Variants in ZNF608 observed in about 807,000 individuals in gnomAD.
ZNF608 encodes zinc finger protein 608, also known as renal carcinoma antigen NY-REN-36.
ZNF608 carries 12 observed loss-of-function variants against 109.0 expected under a neutral mutation model. That is an observed-to-expected ratio of 0.11 (90% confidence interval 0.07 to 0.18). The LOEUF is 0.18. Among genes scored for constraint, ZNF608 ranks in the 10% least tolerant of loss-of-function variants. The pLI, the probability that ZNF608 is intolerant of heterozygous loss-of-function variation, is 1.00. For synonymous variants in ZNF608, 732 were observed against 717.4 expected (o/e 1.02, Z -0.33); for missense variants, 1,707 against 1,879.3 (o/e 0.91, Z 1.70).
chr5:124,721,315 C>T (rs939031680), intron 2 of ZNF608, among the ~76,000 whole-genome samples: 6 of 152,070 alleles, frequency 3.9e-5, no homozygotes, highest in Non-Finnish European at 8.8e-5. Flanking sequence ...CTCTTTTTTC[C>T]TCTGTAACCC....
intron 2 of ZNF608, among the ~76,000 whole-genome samples, chr5:124,743,374 C>T (rs773875162): frequency 5.3e-5 from 8 of 152,196 alleles, no homozygotes; most frequent in Non-Finnish European, 7.3e-5. Flanking sequence ...TCTTAAATCT[C>T]TAGCTAAGAA....
chr5:124,729,199 C>A (rs1026372135), intron 2 of ZNF608, among the ~76,000 whole-genome samples: 1 of 152,218 alleles, frequency 6.6e-6, no homozygotes, highest in Non-Finnish European at 1.5e-5. Context: ...TAAAAGAAGG[C>A]TCGTCCTGAC....
In ZNF608 at chr5:124,693,978, T is replaced by TTTTTTTTTTTTTTG. The variant is rs1291727967; in HGVS notation, c.1162+7035_1162+7036insCAAAAAAAAAAAAA. On this transcript the variant is annotated intron_variant, in intron 3 of 9. Coordinates refer to ENST00000513986, the MANE Select transcript of ZNF608 (RefSeq NM_020747.3). ...AGCTGGTAACATTTCATTAATCTTT[T>TTTTTTTTTTTTTTG]TTTTTTTTTTTTTTTGAGAGAGAGT... 3.2e-4 allele frequency among the ~76,000 whole-genome samples: 27 copies of TTTTTTTTTTTTTTG among 84,746 alleles called. 3 individuals carry two copies. Among genetic ancestry groups the TTTTTTTTTTTTTTG allele is most frequent in the African/African-American group, 1.3e-3 (26 of 20,290 alleles). 55.6% of individuals were successfully genotyped at this position (84,746 alleles called of 152,430 possible). A position where few individuals can be genotyped will look rare whatever the true frequency, so the allele number is the denominator to read the frequency against.
chr5:124,700,530 A>G (rs1753009854), intron 3 of ZNF608, among the ~76,000 whole-genome samples: 1 of 152,220 alleles, frequency 6.6e-6, no homozygotes, highest in Non-Finnish European at 1.5e-5. Flanking sequence ...CCCTGGCCTC[A>G]TTACTTCTGA....
Position 124,646,903 on chromosome 5 carries a change from C to T in ZNF608, c.3481G>A (p.Glu1161Lys), listed in dbSNP as rs768382569. ...AGTTTAGAATGGTTTTTGTTAGGCT[C>T]CGGAGTAGAGGGAGCTTTTGAGATT... is the stretch of plus-strand genomic sequence containing the variant. Reference protein sequence around the residue: ...ATISKAPSTPEPNKNHSKLGP... With the variant: ...ATISKAPSTPKPNKNHSKLGP... The change falls in exon 5 of 10, where the codon GAG (glutamate) becomes AAG (lysine). Residue 1161 changes from glutamate to lysine, a missense_variant. Physicochemically the swap from Glu to Lys is moderately conservative, Grantham distance 56. Coordinates refer to ENST00000513986, the MANE Select transcript of ZNF608 (RefSeq NM_020747.3). 2 of 1,614,096 alleles carry T rather than the reference C, an allele frequency of 1.2e-6. No individual in the cohort carries two copies. The highest frequency in any genetic ancestry group is 1.7e-6 in the Non-Finnish European group (2 of 1,180,000).
At chr5:124,651,826 G>T (rs1466051895) in intron 3 of ZNF608, among the ~76,000 whole-genome samples, 1 of 152,258 alleles carries the variant, frequency 6.6e-6, no homozygotes, top group Non-Finnish European at 1.5e-5. Flanking sequence ...AGAGGTGAGC[G>T]TGGCGGAGGC....
intron 3 of ZNF608, among the ~76,000 whole-genome samples, chr5:124,674,169 G>T (rs923503435): frequency 6.6e-6 from 1 of 152,262 alleles, no homozygotes; most frequent in South Asian, 2.1e-4. Context: ...CTGCATTTTA[G>T]CAAGCACTAC....
At chr5:124,740,998 T>G (rs1749371252) in intron 2 of ZNF608, among the ~76,000 whole-genome samples, 1 of 152,218 alleles carries the variant, frequency 6.6e-6, no homozygotes, top group South Asian at 2.1e-4. Context: ...AAGGCTATTA[T>G]GCTTCACAAG....
intron 2 of ZNF608, among the ~76,000 whole-genome samples, chr5:124,743,233 T>C (rs192934868): frequency 6.6e-6 from 1 of 152,356 alleles, no homozygotes; most frequent in African/African-American, 2.4e-5. Flanking sequence ...TAATTCTATA[T>C]TCCAATTCAC....
chr5:124,643,537 T>G lies in ZNF608; in HGVS notation c.4270A>C (p.Asn1424His). The G allele has an allele frequency of 1.9e-6, 3 of 1,614,220 alleles. No individual in the cohort carries two copies. The highest frequency in any genetic ancestry group is 2.5e-6 in the Non-Finnish European group (3 of 1,180,030). Residue 1424 changes from asparagine (N) to histidine (H), a missense_variant, in exon 7 of 10, where the codon AAC (asparagine) becomes CAC (histidine). Asn to His is a moderately conservative substitution (Grantham distance 68). This residue lies in a region of ZNF608 where 1,073 missense variants were observed against 1,133.5 expected (regional missense o/e 0.95). Transcript: ENST00000513986. ...KALDLLQQHANQYRSKSPAPV... is the reference protein window; with the variant it reads ...KALDLLQQHAHQYRSKSPAPV... The stretch of plus-strand genomic sequence containing the variant: ...GCAGGAGACTTGCTGCGGTATTGGT[T>G]AGCATGCTGCTGGAGCAAATCCAGT...
chr5:124,638,957 G>T, intron 9 of ZNF608, 176 bp downstream of exon 9: 1 of 810,342 alleles, frequency 1.2e-6, no homozygotes, highest in Non-Finnish European at 1.9e-6. Flanking sequence ...ACAGAATGAG[G>T]TTCATGGAAT....
At chr5:124,724,712 C>CCAT (rs1754070944) in intron 2 of ZNF608, among the ~76,000 whole-genome samples, 1 of 151,936 alleles carries the variant, frequency 6.6e-6, no homozygotes, top group African/African-American at 2.4e-5. Flanking sequence ...GAGAAAGGTA[C>CCAT]CATTTTGTCC....
chr5:124,734,172 C>T (rs1003789432), intron 2 of ZNF608, among the ~76,000 whole-genome samples: 1 of 152,152 alleles, frequency 6.6e-6, no homozygotes, highest in Non-Finnish European at 1.5e-5. Flanking sequence ...TGCCAAGATG[C>T]TTGAGGACTA....
In ZNF608 at chr5:124,701,088, G is replaced by A; in HGVS notation, c.1088C>T (p.Pro363Leu). The change falls in exon 3 of 10, where the codon CCA (proline) becomes CTA (leucine). Residue 363 changes from proline (P) to leucine (L), a missense_variant. This residue lies in a region of ZNF608 where 16 missense variants were observed against 37.0 expected (regional missense o/e 0.43). Coordinates refer to ENST00000513986, the MANE Select transcript of ZNF608 (RefSeq NM_020747.3). ...NTCEVGVVTE[P>L]ECLGPCEPGT... ...AGGTTCACAGGGCCCAAGACACTCTGGCTCTGTCACTACTCCAACTTCACA... is the reference window on the plus strand; with the variant it reads ...AGGTTCACAGGGCCCAAGACACTCTAGCTCTGTCACTACTCCAACTTCACA... 6.2e-7 allele frequency: 1 copy of A among 1,614,108 alleles called. No individual in the cohort carries two copies. The highest frequency in any genetic ancestry group is 8.5e-7 in the Non-Finnish European group (1 of 1,180,010).
intron 2 of ZNF608, among the ~76,000 whole-genome samples, chr5:124,713,639 G>A (rs528132696): frequency 1.1e-4 from 16 of 152,264 alleles, no homozygotes; most frequent in South Asian, 4.1e-4. Context: ...CATAATATCC[G>A]TGATGTTGCC....
chr5:124,699,931 GTT>G (rs1752985167), intron 3 of ZNF608, among the ~76,000 whole-genome samples: 1 of 152,092 alleles, frequency 6.6e-6, no homozygotes, highest in Admixed American at 6.5e-5. Flanking sequence ...TCGGCCCTCA[GTT>G]TTTCTCCCTT....
At chr5:124,658,531 T>A (rs567353427) in intron 3 of ZNF608, among the ~76,000 whole-genome samples, 1 of 152,348 alleles carries the variant, frequency 6.6e-6, no homozygotes, top group South Asian at 2.1e-4. Context: ...CACTCTGATT[T>A]CTAATGCCAA....
chr5:124,649,313 T>C (rs1750681518), intron 4 of ZNF608, among the ~76,000 whole-genome samples, 180 bp from the exon 5 acceptor site: 1 of 152,204 alleles, frequency 6.6e-6, no homozygotes, highest in Non-Finnish European at 1.5e-5. Flanking sequence ...AGGGCTTATA[T>C]TCTTCCTCAG....
chr5:124,646,707 C>T lies in ZNF608; in HGVS notation c.3677G>A (p.Gly1226Asp), dbSNP rs1750524579. The T allele has an allele frequency of 6.2e-7, 1 of 1,614,108 alleles. No homozygotes were observed. Among genetic ancestry groups the T allele is most frequent in the Non-Finnish European group, 8.5e-7 (1 of 1,179,968 alleles). ...KSVMDSMKQTGVDPTSRFKQD... is the reference protein window; with the variant it reads ...KSVMDSMKQTDVDPTSRFKQD... ...TTTAAATCTCGAGGTTGGGTCTACA[C>T]CTGTCTGCTTCATAGAGTCCATGAC... Residue 1226 changes from glycine to aspartate, a missense_variant, in exon 5 of 10, where the codon GGT (glycine) becomes GAT (aspartate). Gly to Asp is a moderately conservative substitution (Grantham distance 94, BLOSUM62 -1). Coordinates refer to ENST00000513986, the MANE Select transcript of ZNF608 (RefSeq NM_020747.3).
Sources: gnomAD v4.1 joint callset for allele counts (sites outside exome capture counted in the v4.1 genomes callset) on GRCh38, gnomAD v4.1.1 for gene constraint, gnomAD v4.1.1 regional missense constraint, MANE v1.5 for transcripts, NCBI Gene and HGNC (gene_info 2026-07-23, HGNC 2026-07-21) for gene names.